Variants in LILRB2 observed in about 807,000 individuals in gnomAD.
LILRB2 encodes leukocyte immunoglobulin like receptor B2, also known as leukocyte immunoglobulin-like receptor subfamily B member 2.
Under a neutral mutation model 72.7 loss-of-function variants are expected in LILRB2, and 47 were observed. The observed-to-expected ratio is 0.65, with a 90% CI of 0.51 to 0.82. The LOEUF (loss-of-function observed/expected upper bound fraction) is 0.82. LILRB2 is among the 40% of genes least tolerant of loss of function. LILRB2 has a pLI of 0.00. For missense variants in LILRB2, 767 were observed against 764.8 expected, an observed-to-expected ratio of 1.00 and a Z score of -0.03; for synonymous variants, 279 against 313.7, an observed-to-expected ratio of 0.89 and a Z score of 1.17.
At chr19:54,275,140 C>T (rs558725439) in intron 13 of LILRB2, 24 of 1,528,818 alleles carry the variant, frequency 1.6e-5, no homozygotes, top group Admixed American at 8.9e-5. Context: ...TCACTGTTCC[C>T]GGGGTGATCC....
At chr19:54,275,708 C>T (rs143151372) in intron 13 of LILRB2, 52 of 646,182 alleles carry the variant, frequency 8.0e-5, no homozygotes, top group Admixed American at 4.2e-4. Flanking sequence ...GCCTGGGGAG[C>T]GCTCTAACAA....
chr19:54,279,687 C>T (rs2080454275), intron 4 of LILRB2, 40 bp from the exon 5 acceptor site: 4 of 1,596,318 alleles, frequency 2.5e-6, no homozygotes, highest in Non-Finnish European at 2.6e-6. Flanking sequence ...GGGGCTCCCA[C>T]CTCCCACATC....
rs2080457160 is a variant in LILRB2 at position 54,279,746 on chromosome 19, C to T, written c.355+45G>A. 2.5e-6 allele frequency: 4 copies of T among 1,610,710 alleles called. No homozygotes were observed. In the African/African-American group the frequency reaches 4.0e-5, roughly 16 times the overall value. The stretch of plus-strand genomic sequence containing the variant: ...GGGAGACACCCCTGAGAGCCTCCTT[C>T]CTGAGGGCAGAGCCTGGGGCTGGGA... On this transcript the variant is annotated intron_variant, in intron 4 of 13. Coordinates refer to ENST00000314446, the MANE Select transcript of LILRB2 (RefSeq NM_001080978.4).
intron 5 of LILRB2, 115 bp downstream of exon 5, chr19:54,279,230 C>T (rs181184522): frequency 2.0e-6 from 3 of 1,537,164 alleles, no homozygotes; most frequent in Non-Finnish European, 2.6e-6. Context: ...GACCCCTGAG[C>T]CCTCTCGCCC....
At chr19:54,277,963 G>C (rs374464419) in intron 7 of LILRB2, 24 bp from the exon 8 acceptor site, 461 of 1,475,662 alleles carry the variant, frequency 3.1e-4, no homozygotes, top group Admixed American at 8.6e-4. Flanking sequence ...TGAGAGGAGG[G>C]TGAGGAGCTG....
Position 54,280,013 on chromosome 19 carries a change from C to T in LILRB2, c.133G>A (p.Val45Ile), listed in dbSNP as rs775537731. 2.2e-5 allele frequency: 35 copies of T among 1,613,978 alleles called. No homozygotes were observed. Among genetic ancestry groups the T allele is most frequent in the Admixed American group, 1.2e-4 (7 of 60,006 alleles). Reference protein sequence around the residue: ...PDSVITQGSPVTLSCQGSLEA... With the variant: ...PDSVITQGSPITLSCQGSLEA... ...AGGCTCCCCTGACAACTGAGGGTGA[C>T]GGGACTCCCCTGGGTGATCACAGAG... is the stretch of plus-strand genomic sequence containing the variant. The change falls in exon 4 of 14, where the codon GTC becomes ATC. Residue 45 changes from valine to isoleucine, a missense_variant. By Grantham distance (29) the Val-to-Ile change is conservative (BLOSUM62 3). Coordinates refer to ENST00000314446, the MANE Select transcript of LILRB2 (RefSeq NM_001080978.4).
intron 6 of LILRB2, 70 bp from the exon 7 acceptor site, chr19:54,278,632 T>C (rs2080377211): frequency 7.5e-7 from 1 of 1,328,908 alleles, no homozygotes; most frequent in Non-Finnish European, 1.0e-6. Context: ...CAGGCCTCTC[T>C]AGGAGCCTCT....
rs2080447968 is a variant in LILRB2 at position 54,279,599 on chromosome 19, G to A, written c.404C>T (p.Thr135Ile). Residue 135 changes from threonine to isoleucine, a missense_variant, in exon 5 of 14, where the codon ACC becomes ATC. Physicochemically the swap from Thr to Ile is moderately conservative, Grantham distance 89 (BLOSUM62 -1). Transcript: ENST00000314446. Reference protein sequence around the residue: ...TLSAQPSPVVTSGGRVTLQCE... With the variant: ...TLSAQPSPVVISGGRVTLQCE... Reference sequence around the variant, plus strand: ...CTGGAGGGTCACCCTTCCTCCTGAGGTCACCACAGGGCTGGGCTGGGCTGA... The same window carrying A: ...CTGGAGGGTCACCCTTCCTCCTGAGATCACCACAGGGCTGGGCTGGGCTGA... 4 of 1,614,144 alleles carry A rather than the reference G, an allele frequency of 2.5e-6. No homozygotes were observed. The highest frequency in any genetic ancestry group is 3.4e-6 in the Non-Finnish European group (4 of 1,180,014).
chr19:54,276,886 G>A lies in LILRB2; in HGVS notation c.1401C>T (p.Ala467=), dbSNP rs370398064. 5.6e-5 allele frequency: 90 copies of A among 1,613,856 alleles called. No homozygotes were observed. The highest frequency in any genetic ancestry group is 6.9e-5 in the Non-Finnish European group (82 of 1,179,964). The change falls in exon 10 of 14, where the codon GCC becomes GCT. Residue 467 remains alanine, a synonymous_variant. Transcript: ENST00000314446. ...GGAGGAGGAGGAGCAGTAGGACGAC[G>A]GCCACCAAGATGCCGATCACAACCC... ...HLGVVIGILV[A]VVLLLLLLLL...
rs778003766 is a variant in LILRB2, at chr19:54,279,848, A to G, written c.298T>C (p.Tyr100His). Reference protein sequence around the residue: ...WEHTGRYGCQYYSRARWSELS... With the variant: ...WEHTGRYGCQHYSRARWSELS... ...TCAGACCACCGAGCGCGGCTGTAAT[A>G]CTGACAGCCATATCGCCCTGTGTGT... is the stretch of plus-strand genomic sequence containing the variant. The change falls in exon 4 of 14, where the codon TAT becomes CAT. Residue 100 changes from tyrosine (Y) to histidine (H), a missense_variant. Transcript: ENST00000314446. The G allele has an allele frequency of 1.2e-6, 2 of 1,614,052 alleles. No homozygotes were observed. Among genetic ancestry groups the G allele is most frequent in the Non-Finnish European group, 1.7e-6 (2 of 1,179,972 alleles).
Position 54,274,297 on chromosome 19 carries a change from T to G in LILRB2, c.*386A>C, listed in dbSNP as rs1442392708. On this transcript the variant is annotated 3_prime_UTR_variant, in exon 14 of 14. Transcript: ENST00000314446. ...GGTTATTCTTTTTCTAAATTCCTTATACGAAAGCCAACGTCATTCATTTCC... is the reference window on the plus strand; with the variant it reads ...GGTTATTCTTTTTCTAAATTCCTTAGACGAAAGCCAACGTCATTCATTTCC... 1 of 187,914 alleles carries G rather than the reference T, an allele frequency of 5.3e-6. No homozygotes were observed. The highest frequency in any genetic ancestry group is 2.4e-5 in the African/African-American group (1 of 42,412). 11.6% of individuals were successfully genotyped at this position (187,914 alleles called of 1,614,324 possible).
In LILRB2 at chr19:54,277,292, G is replaced by A. The variant is rs150954715; in HGVS notation, c.1357+258C>T. ...TCACCGTCTCTGCTGCAGGTGGGAC[G>A]GGACAGGCCCCCGCGGAATCGAGTC... On this transcript the variant is annotated intron_variant, in intron 9 of 13. Coordinates refer to ENST00000314446, the MANE Select transcript of LILRB2 (RefSeq NM_001080978.4). The A allele has an allele frequency of 5.3e-3, 7,547 of 1,414,804 alleles. 253 individuals carry two copies. In the South Asian group the frequency reaches 0.066, roughly 12 times the overall value. The allele number at this position is 1,414,804 out of a possible 1,614,324, so 87.6% of individuals were successfully genotyped here.
At position 54,274,344 on chromosome 19, in the gene LILRB2, A is replaced by G. The variant is rs1393790764; in HGVS notation, c.*339T>C. 4 of 228,530 alleles carry G rather than the reference A, an allele frequency of 1.8e-5. No homozygotes were observed. Among genetic ancestry groups the G allele is most frequent in the East Asian group, 1.9e-4 (2 of 10,794 alleles). The allele number at this position is 228,530 out of a possible 1,614,324, so 14.2% of individuals were successfully genotyped here. A position where few individuals can be genotyped will look rare whatever the true frequency, so the allele number is the denominator to read the frequency against. On this transcript the variant is annotated 3_prime_UTR_variant, in exon 14 of 14. Coordinates refer to ENST00000314446, the MANE Select transcript of LILRB2 (RefSeq NM_001080978.4). ...TTCCTAGTTTTTTTTTTTCGTTTCT[A>G]CTTTTTTCATTTGTGGTTTGTACTT...
chr19:54,280,608 C>G (rs1443372172), intron 1 of LILRB2, 64 bp from the exon 2 acceptor site: 16 of 1,542,950 alleles, frequency 1.0e-5, no homozygotes, highest in Non-Finnish European at 1.4e-5. Flanking sequence ...TGTGGACACT[C>G]AGAGGCTGGG....
At position 54,274,580 on chromosome 19, in the gene LILRB2, C is replaced by T; in HGVS notation, c.*103G>A. The T allele has an allele frequency of 6.3e-7, 1 of 1,584,686 alleles. No homozygotes were observed. The highest frequency in any genetic ancestry group is 8.6e-7 in the Non-Finnish European group (1 of 1,162,902). On this transcript the variant is annotated 3_prime_UTR_variant, in exon 14 of 14. Transcript: ENST00000314446. ...TCTCCTCATGGTCTTTGTTAGGGGT[C>T]CAGGCTGACTGGGGTTCATTGGTGT...
At position 54,277,920 on chromosome 19, in the gene LILRB2, G is replaced by C; in HGVS notation, c.1278C>G (p.Ser426Arg). ...TGGAGATGGGACCGGTGGGTGGGGG[G>C]CTGGAACCCATGGAGGGTCCTGGGT... ...LVVSGPSMGS[S>R]PPPTGPISTP... Residue 426 changes from serine (S) to arginine (R), a missense_variant, in exon 8 of 14, where the codon AGC becomes AGG. Ser to Arg is a moderately radical substitution (Grantham distance 110). Around this residue, in one of 3 missense-constraint regions of LILRB2, gnomAD observed 599 missense variants for 568.2 expected, o/e 1.05. Coordinates refer to ENST00000314446, the MANE Select transcript of LILRB2 (RefSeq NM_001080978.4). The C allele has an allele frequency of 6.5e-7, 1 of 1,538,998 alleles. No individual in the cohort carries two copies. Among genetic ancestry groups the C allele is most frequent in the Non-Finnish European group, 8.8e-7 (1 of 1,141,192 alleles).
At chr19:54,276,107 G>A (rs1003398493) in intron 12 of LILRB2, 104 bp from the exon 13 acceptor site, 2 of 1,558,414 alleles carry the variant, frequency 1.3e-6, no homozygotes, top group Non-Finnish European at 1.8e-6. Flanking sequence ...TGAGATGCAG[G>A]GAGGGGCTGC....
chr19:54,274,541 C>A lies in LILRB2; in HGVS notation c.*142G>T. On this transcript the variant is annotated 3_prime_UTR_variant, in exon 14 of 14. Coordinates refer to ENST00000314446, the MANE Select transcript of LILRB2 (RefSeq NM_001080978.4). ...TTCGACTGCAGAATCAAGTGAGTCC[C>A]AAAGTTCCCAGCATCTCCTCATGGT... 2.0e-5 allele frequency: 29 copies of A among 1,465,744 alleles called. No individual in the cohort carries two copies. The highest frequency in any genetic ancestry group is 2.6e-5 in the Non-Finnish European group (29 of 1,097,210). The allele number at this position is 1,465,744 out of a possible 1,614,324, so 90.8% of individuals were successfully genotyped here. A position where few individuals can be genotyped will look rare whatever the true frequency, so the allele number is the denominator to read the frequency against.
chr19:54,279,550 G>T lies in LILRB2; in HGVS notation c.453C>A (p.Gly151=). ...TLQCESQVAF[G]GFILCKEGED... is the part of the protein sequence containing the mutation. ...CTCCTTCCTTACACAGAATGAAGCC[G>T]CCAAATGCCACCTGTGACTCACACT... Residue 151 remains glycine, a synonymous_variant, in exon 5 of 14, where the codon GGC becomes GGA. Transcript: ENST00000314446. 6.2e-7 allele frequency: 1 copy of T among 1,612,860 alleles called. No homozygotes were observed. The highest frequency in any genetic ancestry group is 8.5e-7 in the Non-Finnish European group (1 of 1,179,646).
Sources: gnomAD v4.1 joint callset for allele counts on GRCh38, gnomAD v4.1.1 for gene constraint, gnomAD v4.1.1 regional missense constraint, MANE v1.5 for transcripts, NCBI Gene and HGNC (gene_info 2026-07-23, HGNC 2026-07-21) for gene names.